MACROD1: variants seen among roughly 807,000 people sequenced by gnomAD.
MACROD1 encodes mono-ADP ribosylhydrolase 1, also known as ADP-ribose glycohydrolase MACROD1.
MACROD1 carries 31 observed loss-of-function variants against 41.4 expected under a neutral mutation model. That is an observed-to-expected ratio of 0.75 (90% CI 0.56 to 1.01). The LOEUF (loss-of-function observed/expected upper bound fraction) is 1.01, where lower values mean the gene tolerates loss of function less well. Ranked by LOEUF, MACROD1 falls within the 50% of genes least tolerant of loss-of-function variation. MACROD1 has a pLI of 0.00. For synonymous variants in MACROD1, 252 were observed against 203.4 expected (o/e 1.24, Z -2.03); for missense variants, 473 against 460.0 (o/e 1.03, Z -0.26).
intron 3 of MACROD1, among the ~76,000 whole-genome samples, chr11:64,041,715 C>G (rs184702841): frequency 2.4e-4 from 36 of 152,286 alleles, no homozygotes; most frequent in Non-Finnish European, 4.6e-4. Flanking sequence ...TGAGCTCTCT[C>G]AAGCGACATA....
At chr11:64,077,609 C>T (rs540333565) in intron 3 of MACROD1, among the ~76,000 whole-genome samples, 6 of 152,268 alleles carry the variant, frequency 3.9e-5, no homozygotes, top group South Asian at 2.1e-4. Context: ...CACAGACTGA[C>T]GGGCACACAC....
intron 3 of MACROD1, among the ~76,000 whole-genome samples, chr11:64,134,840 T>C (rs900288959): frequency 2.6e-5 from 4 of 152,248 alleles, no homozygotes; most frequent in South Asian, 4.1e-4. Context: ...ATTTTTCTTA[T>C]TGATTTGTAG....
Position 63,998,992 on chromosome 11 carries a change from G to C in MACROD1, c.936C>G (p.Asp312Glu), listed in dbSNP as rs766245368. The stretch of plus-strand genomic sequence containing the variant: ...AGTGGGGGAGCCGGCTCCGGTAGAT[G>C]TCCTCGTCCTTCTCGAGGAACACGC... ...IICVFLEKDEDIYRSRLPHYF... is the reference protein window; with the variant it reads ...IICVFLEKDEEIYRSRLPHYF... Residue 312 changes from aspartate to glutamate, a missense_variant, in exon 9 of 11, where the codon GAC becomes GAG. By Grantham distance (45) the Asp-to-Glu change is conservative. Coordinates refer to ENST00000255681, the MANE Select transcript of MACROD1 (RefSeq NM_014067.4). The C allele has an allele frequency of 3.7e-6, 6 of 1,608,950 alleles. No individual in the cohort carries two copies. Among genetic ancestry groups the C allele is most frequent in the Admixed American group, 1.7e-5 (1 of 59,588 alleles).
intron 1 of MACROD1, among the ~76,000 whole-genome samples, chr11:64,154,058 C>T (rs542706189): frequency 2.0e-5 from 3 of 152,312 alleles, no homozygotes; most frequent in Admixed American, 6.5e-5. Context: ...CCCCATGCAG[C>T]GGCCCCTCCT....
At chr11:64,148,789 A>G in intron 3 of MACROD1, 2 of 985,684 alleles carry the variant, frequency 2.0e-6, no homozygotes, top group Non-Finnish European at 2.4e-6. Context: ...AGGCTGATAT[A>G]TGGGCTCCTG....
chr11:64,139,282 G>A (rs969588126), intron 3 of MACROD1, among the ~76,000 whole-genome samples: 66 of 152,240 alleles, frequency 4.3e-4, no homozygotes, highest in African/African-American at 1.5e-3. Flanking sequence ...CCTGACACCC[G>A]GCGCGGATAT....
At chr11:64,157,648 G>A (rs1045309720) in intron 1 of MACROD1, among the ~76,000 whole-genome samples, 8 of 152,202 alleles carry the variant, frequency 5.3e-5, no homozygotes, top group African/African-American at 1.9e-4. Flanking sequence ...AAGCCAAGCA[G>A]GAGGAAGCAG....
intron 3 of MACROD1, among the ~76,000 whole-genome samples, chr11:64,150,184 C>T (rs903818166): frequency 6.6e-6 from 1 of 152,222 alleles, no homozygotes; most frequent in Non-Finnish European, 1.5e-5. Context: ...CCGGGGCGGC[C>T]GAGTGAACTC....
chr11:63,999,303 C>G (rs991860727), intron 8 of MACROD1, 28 bp downstream of exon 8: 2 of 1,549,102 alleles, frequency 1.3e-6, no homozygotes, highest in Non-Finnish European at 1.7e-6. Flanking sequence ...GGATGCGGAC[C>G]CCACCCTCGC....
chr11:64,143,425 C>T lies in MACROD1; in HGVS notation c.517+7814G>A, dbSNP rs1358337072. 3.9e-5 allele frequency among the ~76,000 whole-genome samples: 6 copies of T among 152,010 alleles called. No individual in the cohort carries two copies. The East Asian group carries it at 9.7e-4, about 24-fold the overall frequency. ...AGCAGAAGGAACACTCAGTACCAAG[C>T]GGCAGGTGACAGGCTGCCCTCAGTC... On this transcript the variant is annotated intron_variant, in intron 3 of 10. Coordinates refer to ENST00000255681, the MANE Select transcript of MACROD1 (RefSeq NM_014067.4).
intron 3 of MACROD1, chr11:64,148,618 T>C (rs1354067190): frequency 1.7e-6 from 1 of 599,064 alleles, no homozygotes; most frequent in Non-Finnish European, 2.1e-6. Flanking sequence ...CGGCTAATGA[T>C]TATAATCAAG....
In MACROD1 at chr11:64,120,900, C is replaced by G. The variant is rs1276560245; in HGVS notation, c.517+30339G>C. The stretch of plus-strand genomic sequence containing the variant: ...CTGCCTTCCCCCAAGTCCCGCCCAT[C>G]TGCAACACGGTGCTGCCAGCACACT... On this transcript the variant is annotated intron_variant, in intron 3 of 10. Transcript: ENST00000255681. This position sits in a 1 kb window ranked among gnomAD's most constrained non-coding sequence, Gnocchi z 4.5. Among the ~76,000 whole-genome samples, 9 of 152,302 alleles carry G rather than the reference C, an allele frequency of 5.9e-5. No individual in the cohort carries two copies. In the East Asian group the frequency reaches 1.7e-3, roughly 29 times the overall value.
intron 3 of MACROD1, among the ~76,000 whole-genome samples, chr11:64,021,207 C>T (rs1943147957): frequency 6.6e-6 from 1 of 152,226 alleles, no homozygotes; most frequent in South Asian, 2.1e-4. Context: ...TGCCTGACTC[C>T]CAAGCTCCAG....
intron 3 of MACROD1, among the ~76,000 whole-genome samples, chr11:64,052,458 G>A (rs1943712656): frequency 6.6e-6 from 1 of 152,154 alleles, no homozygotes; most frequent in South Asian, 2.1e-4. Context: ...GGGACTACAG[G>A]GGCAGGCCTG....
intron 3 of MACROD1, among the ~76,000 whole-genome samples, chr11:64,135,048 G>C (rs1172128621): frequency 6.6e-6 from 1 of 152,222 alleles, no homozygotes; most frequent in Non-Finnish European, 1.5e-5. Flanking sequence ...ATCTCCTGCA[G>C]GTGAGGGCCC....
rs1348601709 is a variant in MACROD1, at chr11:64,043,875, A to G, written c.518-28594T>C. Among the ~76,000 whole-genome samples, 3 of 150,708 alleles carry G rather than the reference A, an allele frequency of 2.0e-5. No individual in the cohort carries two copies. In the South Asian group the frequency reaches 6.3e-4, roughly 32 times the overall value. On this transcript the variant is annotated intron_variant, in intron 3 of 10. Coordinates refer to ENST00000255681, the MANE Select transcript of MACROD1 (RefSeq NM_014067.4). ...TGCCCAGACTGGAGTGCGATGGTGCAATCTGGGCTCACAGCAACCTCTGTC... is the reference window on the plus strand; with the variant it reads ...TGCCCAGACTGGAGTGCGATGGTGCGATCTGGGCTCACAGCAACCTCTGTC...
chr11:64,060,937 C>CG (rs1565214433), intron 3 of MACROD1, among the ~76,000 whole-genome samples: 1 of 151,322 alleles, frequency 6.6e-6, no homozygotes, highest in East Asian at 2.0e-4. Context: ...GCATGCGCAC[C>CG]GCGGCGGCGG....
At position 64,165,932 on chromosome 11, in the gene MACROD1, G is replaced by A. The variant is rs373745667; in HGVS notation, c.63C>T (p.Leu21=). ...LAQLRAAGQL[L]VPPRPRPGHL... is the part of the protein sequence containing the mutation. Reference sequence around the variant, plus strand: ...GTCCGGGCCGGGGGCGCGGGGGGACGAGCAGCTGCCCCGCCGCGCGCAGCT... The same window carrying A: ...GTCCGGGCCGGGGGCGCGGGGGGACAAGCAGCTGCCCCGCCGCGCGCAGCT... The change falls in exon 1 of 11, where the codon CTC becomes CTT. Residue 21 remains leucine, a synonymous_variant. Coordinates refer to ENST00000255681, the MANE Select transcript of MACROD1 (RefSeq NM_014067.4). The A allele has an allele frequency of 5.3e-6, 7 of 1,324,222 alleles. No homozygotes were observed. The highest frequency in any genetic ancestry group is 6.7e-6 in the Non-Finnish European group (7 of 1,044,262). 82.0% of individuals were successfully genotyped at this position (1,324,222 alleles called of 1,614,324 possible). A position where few individuals can be genotyped will look rare whatever the true frequency, so the allele number is the denominator to read the frequency against.
At chr11:64,070,100 G>A (rs1272444144) in intron 3 of MACROD1, among the ~76,000 whole-genome samples, 2 of 152,184 alleles carry the variant, frequency 1.3e-5, no homozygotes, top group Non-Finnish European at 2.9e-5. Context: ...AGAGATGGAT[G>A]CTGTTATCAC....
Sources: gnomAD v4.1 joint callset for allele counts (sites outside exome capture counted in the v4.1 genomes callset) on GRCh38, gnomAD v4.1.1 for gene constraint, Gnocchi (gnomAD v3.1) non-coding constraint, MANE v1.5 for transcripts, NCBI Gene and HGNC (gene_info 2026-07-23, HGNC 2026-07-21) for gene names.